RIC3: variants seen among roughly 807,000 people sequenced by gnomAD.
RIC3 encodes RIC3 acetylcholine receptor chaperone, also known as protein RIC-3.
RIC3 carries 28 observed loss-of-function variants against 27.3 expected under a neutral mutation model. The ratio of observed to expected loss-of-function variants is 1.02; its 90% CI spans 0.76 to 1.41. RIC3 has a LOEUF of 1.41. Among genes scored for constraint, RIC3 ranks in the 40% most tolerant of loss-of-function variants. The pLI is 0.00. For missense variants in RIC3, 501 were observed against 444.7 expected (o/e 1.13, Z -1.14); for synonymous variants, 184 against 160.4 (o/e 1.15, Z -1.11).
chr11:8,141,228 C>A (rs1949024840), intron 1 of RIC3, among the ~76,000 whole-genome samples: 1 of 152,022 alleles, frequency 6.6e-6, no homozygotes, highest in Admixed American at 6.5e-5. Context: ...TTAAAATACA[C>A]AGACTGGCAA....
the RIC3 span, chr11:8,095,516 C>T: frequency 6.2e-7 from 1 of 1,611,144 alleles, no homozygotes; most frequent in Non-Finnish European, 8.5e-7. Flanking sequence ...GGGCCAGCAG[C>T]ACTGGCAGAA....
downstream of RIC3, chr11:8,105,869 C>CTT (rs1251832278): frequency 1.3e-5 from 2 of 152,134 alleles, no homozygotes; most frequent in Admixed American, 1.3e-4. Context: ...TAGAACGCAA[C>CTT]TTAGGATGGC....
At position 8,110,651 on chromosome 11, in the gene RIC3, G is replaced by C. The variant is rs1173940508; in HGVS notation, c.*47C>G. 6.5e-7 allele frequency: 1 copy of C among 1,538,344 alleles called. No homozygotes were observed. Among genetic ancestry groups the C allele is most frequent in the African/African-American group, 1.4e-5 (1 of 73,474 alleles). ...GCCAAGAAGGAAATCTGAGGAGAGA[G>C]AGGTCACCTTGGGACTTGAGTAATG... On this transcript the variant is annotated 3_prime_UTR_variant, in exon 6 of 6. Transcript: ENST00000309737.
At chr11:8,165,217 G>C (rs1951570554) in intron 1 of RIC3, among the ~76,000 whole-genome samples, 1 of 152,096 alleles carries the variant, frequency 6.6e-6, no homozygotes, top group South Asian at 2.1e-4. Flanking sequence ...AAAACATTAA[G>C]TCTACACAAA....
At chr11:8,101,402 T>G, downstream of RIC3, 1 of 1,534,880 alleles carries the variant, frequency 6.5e-7, no homozygotes, top group Non-Finnish European at 9.0e-7. Context: ...TTCCCTCATG[T>G]GGTTTGGGTG....
At chr11:8,131,383 T>C (rs1230601210) in intron 4 of RIC3, among the ~76,000 whole-genome samples, 2 of 152,172 alleles carry the variant, frequency 1.3e-5, no homozygotes, top group East Asian at 1.9e-4. Flanking sequence ...GTGGAGCCAT[T>C]TGCTGAGATG....
downstream of RIC3, chr11:8,103,873 A>G (rs1345857207): frequency 6.6e-6 from 1 of 152,336 alleles, no homozygotes; most frequent in East Asian, 1.9e-4. Context: ...AATCAGAAGC[A>G]CAAAGGAAAA....
At chr11:8,097,844 G>T in the RIC3 span, 4 of 1,604,384 alleles carry the variant, frequency 2.5e-6, no homozygotes, top group South Asian at 3.3e-5. Context: ...CATTCCCCCA[G>T]GAAGCAGGCG....
At chr11:8,126,574 C>G (rs11041753) in intron 5 of RIC3, 85 bp downstream of exon 5, 55,525 of 1,502,652 alleles carry the variant, frequency 0.037, 1,313 homozygotes, top group South Asian at 0.078. Context: ...TATTATACCT[C>G]AATAATGAAG....
At chr11:8,142,246 T>C (rs921984761) in intron 1 of RIC3, among the ~76,000 whole-genome samples, 2 of 135,022 alleles carry the variant, frequency 1.5e-5, no homozygotes, top group African/African-American at 6.4e-5. Context: ...GAGCTGGTTT[T>C]TTGAAAGGAT....
intron 1 of RIC3, among the ~76,000 whole-genome samples, chr11:8,157,644 A>G (rs1950787763): frequency 6.6e-6 from 1 of 152,104 alleles, no homozygotes; most frequent in Non-Finnish European, 1.5e-5. Flanking sequence ...GCCTACTACA[A>G]TCTTTGCTGA....
At chr11:8,135,809 G>A (rs1489962556) in intron 4 of RIC3, 1 of 152,126 alleles carries the variant, frequency 6.6e-6, no homozygotes, top group Admixed American at 6.6e-5. Context: ...GTCTATAATA[G>A]CCTGGGTAGT....
Position 8,106,977 on chromosome 11 carries a change from A to C in RIC3, c.*3721T>G, listed in dbSNP as rs1410940881. 1 of 152,180 alleles carries C rather than the reference A, an allele frequency of 6.6e-6. No individual in the cohort carries two copies. Among genetic ancestry groups the C allele is most frequent in the Non-Finnish European group, 1.5e-5 (1 of 68,036 alleles). The allele number at this position is 152,180 out of a possible 1,614,324, so 9.4% of individuals were successfully genotyped here. A position where few individuals can be genotyped will look rare whatever the true frequency, so the allele number is the denominator to read the frequency against. ...TTTGCCCTGGCACAGACACTTTATA[A>C]ACAGCATCTTATTTAATCCAAACAG... is the stretch of plus-strand genomic sequence containing the variant. On this transcript the variant is annotated 3_prime_UTR_variant, in exon 6 of 6. Coordinates refer to ENST00000309737, the MANE Select transcript of RIC3 (RefSeq NM_001206671.4).
intron 1 of RIC3, among the ~76,000 whole-genome samples, chr11:8,156,631 G>C (rs1268954831): frequency 1.3e-5 from 2 of 152,044 alleles, no homozygotes; most frequent in Non-Finnish European, 2.9e-5. Flanking sequence ...ACCATGCTTT[G>C]AACCTGACTT....
chr11:8,096,844 G>T, the RIC3 span: 1 of 1,607,982 alleles, frequency 6.2e-7, no homozygotes, highest in South Asian at 1.1e-5. Context: ...AGTTTTTGGA[G>T]GACTGCTCAT....
chr11:8,168,706 G>C (rs1169624106), intron 1 of RIC3, among the ~76,000 whole-genome samples, 160 bp downstream of exon 1: 1 of 152,210 alleles, frequency 6.6e-6, no homozygotes, highest in Non-Finnish European at 1.5e-5. Context: ...CAACGGAACC[G>C]TGGGCATTGG....
intron 1 of RIC3, among the ~76,000 whole-genome samples, chr11:8,156,717 C>T (rs1950688509): frequency 6.6e-6 from 1 of 152,126 alleles, no homozygotes; most frequent in Non-Finnish European, 1.5e-5. Flanking sequence ...TATCTAAATC[C>T]AGCCAATCCT....
intron 5 of RIC3, among the ~76,000 whole-genome samples, chr11:8,111,434 T>C (rs567829247): frequency 2.0e-5 from 3 of 152,258 alleles, no homozygotes; most frequent in Non-Finnish European, 2.9e-5. Context: ...CTGATGAAGA[T>C]TAAACAAACA....
intron 1 of RIC3, among the ~76,000 whole-genome samples, chr11:8,147,893 A>C (rs958625300): frequency 6.6e-6 from 1 of 151,906 alleles, no homozygotes; most frequent in African/African-American, 2.4e-5. Flanking sequence ...ACGCCCAACT[A>C]ATTTTTGTGT....
Sources: gnomAD v4.1 joint callset for allele counts (sites outside exome capture counted in the v4.1 genomes callset) on GRCh38, gnomAD v4.1.1 for gene constraint, MANE v1.5 for transcripts, NCBI Gene and HGNC (gene_info 2026-07-23, HGNC 2026-07-21) for gene names.